The following TMPRSS11D variants were observed in gnomAD, a reference collection of about 807,000 sequenced individuals.
TMPRSS11D encodes transmembrane serine protease 11D, also known as transmembrane protease serine 11D.
In TMPRSS11D, 32 loss-of-function variants were observed where a neutral mutation model predicts 44.4. That is an observed-to-expected ratio of 0.72 (90% CI 0.54 to 0.97). The LOEUF is 0.97. TMPRSS11D is among the 50% of genes least tolerant of loss of function. The pLI is 0.00. For missense variants in TMPRSS11D, 446 were observed against 502.6 expected, an observed-to-expected ratio of 0.89 and a Z score of 1.08; for synonymous variants, 179 against 177.9, an observed-to-expected ratio of 1.01 and a Z score of -0.05.
chr4:67,874,657 C>T (rs1222568387), intron 1 of TMPRSS11D, among the ~76,000 whole-genome samples: 2 of 152,058 alleles, frequency 1.3e-5, no homozygotes, highest in East Asian at 3.9e-4. Flanking sequence ...TCATTAAATG[C>T]ACAGGTTCAA....
chr4:67,846,753 T>G (rs2109677032), intron 3 of TMPRSS11D, among the ~76,000 whole-genome samples: 1 of 151,566 alleles, frequency 6.6e-6, no homozygotes, highest in South Asian at 2.1e-4. Context: ...CTCCCAAATT[T>G]TTATGTGTGC....
At position 67,821,363 on chromosome 4, in the gene TMPRSS11D, A is replaced by G. The variant is rs1717632593; in HGVS notation, c.*974T>C. 6.6e-6 allele frequency: 1 copy of G among 152,170 alleles called. No individual in the cohort carries two copies. The highest frequency in any genetic ancestry group is 2.1e-4 in the South Asian group (1 of 4,830). The allele number at this position is 152,170 out of a possible 1,614,324, so 9.4% of individuals were successfully genotyped here. A position where few individuals can be genotyped will look rare whatever the true frequency, so the allele number is the denominator to read the frequency against. On this transcript the variant is annotated 3_prime_UTR_variant, in exon 10 of 10. Coordinates refer to ENST00000283916, the MANE Select transcript of TMPRSS11D (RefSeq NM_004262.3). ...TAAGCTATTTAAACTTTTCCTTTGC[A>G]AACCAACTCTTCCCCCTCTTTAAAC...
intron 3 of TMPRSS11D, among the ~76,000 whole-genome samples, chr4:67,848,904 T>A (rs1312037661): frequency 1.3e-5 from 2 of 152,180 alleles, no homozygotes; most frequent in African/African-American, 4.8e-5. Flanking sequence ...AAGAGGATAA[T>A]ATAGTGGGAT....
intron 3 of TMPRSS11D, among the ~76,000 whole-genome samples, chr4:67,851,895 C>T (rs921968424): frequency 2.0e-5 from 3 of 152,212 alleles, no homozygotes; most frequent in African/African-American, 4.8e-5. Flanking sequence ...CTTCTGGCGC[C>T]TGGTGTATCT....
intron 1 of TMPRSS11D, among the ~76,000 whole-genome samples, chr4:67,880,287 T>TA (rs1413597375): frequency 2.0e-5 from 3 of 151,910 alleles, no homozygotes; most frequent in Admixed American, 6.6e-5. Context: ...TGTTTAATAA[T>TA]AAAAAATTAA....
chr4:67,841,766 CT>C (rs1718237127), intron 4 of TMPRSS11D, among the ~76,000 whole-genome samples: 1 of 152,156 alleles, frequency 6.6e-6, no homozygotes, highest in East Asian at 1.9e-4. Context: ...CTTCTTATCC[CT>C]TTAACTCCTC....
At chr4:67,864,082 TTTAA>T (rs146756664) in intron 1 of TMPRSS11D, among the ~76,000 whole-genome samples, 4,196 of 152,070 alleles carry the variant, frequency 0.028, 170 homozygotes, top group African/African-American at 0.094. Context: ...AAAATAAATT[TTTAA>T]TTAATTAGTT....
chr4:67,873,999 G>C (rs1197300964), intron 1 of TMPRSS11D, among the ~76,000 whole-genome samples: 1 of 152,090 alleles, frequency 6.6e-6, no homozygotes, highest in Admixed American at 6.6e-5. Flanking sequence ...ATCACAGATC[G>C]CATGTATGAC....
At chr4:67,881,819 T>C (rs900677108) in intron 1 of TMPRSS11D, among the ~76,000 whole-genome samples, 1 of 152,154 alleles carries the variant, frequency 6.6e-6, no homozygotes, top group African/African-American at 2.4e-5. Context: ...GGAAACAAGA[T>C]TTGTTTGGTA....
At chr4:67,841,400 A>C (rs1326136820) in intron 4 of TMPRSS11D, among the ~76,000 whole-genome samples, 2 of 152,198 alleles carry the variant, frequency 1.3e-5, no homozygotes, top group East Asian at 3.9e-4. Context: ...CATGCAAACC[A>C]AGGGATAGTC....
rs35756612 is a variant in TMPRSS11D at position 67,843,104 on chromosome 4, CTT to C, written c.250-481_250-480del. 7.4e-3 allele frequency among the ~76,000 whole-genome samples: 809 copies of C among 109,400 alleles called. 2 individuals are homozygous for C. The highest frequency in any genetic ancestry group is 0.011 in the South Asian group (33 of 3,096). The allele number at this position is 109,400 out of a possible 152,430, so 71.8% of individuals were successfully genotyped here. ...AGGGGAGAAGGAAGCAAAGGGCAGT[CTT>C]TTTTTTTTTTTTTTTTTTGGTCATT... On this transcript the variant is annotated intron_variant, in intron 3 of 9. Coordinates refer to ENST00000283916, the MANE Select transcript of TMPRSS11D (RefSeq NM_004262.3).
At chr4:67,850,352 G>T (rs766570384) in intron 3 of TMPRSS11D, among the ~76,000 whole-genome samples, 6 of 152,174 alleles carry the variant, frequency 3.9e-5, no homozygotes, top group Non-Finnish European at 8.8e-5. Flanking sequence ...TCTCCTGTGA[G>T]AAATAAATTT....
chr4:67,878,977 A>T (rs1191761526), intron 1 of TMPRSS11D, among the ~76,000 whole-genome samples: 2 of 152,172 alleles, frequency 1.3e-5, no homozygotes, highest in East Asian at 3.9e-4. Flanking sequence ...TATAAGTAGA[A>T]ATAAAGCACT....
chr4:67,845,233 C>T (rs540401957), intron 3 of TMPRSS11D, among the ~76,000 whole-genome samples: 2 of 152,096 alleles, frequency 1.3e-5, no homozygotes, highest in Non-Finnish European at 2.9e-5. Flanking sequence ...AAGAAGAGGC[C>T]TATGAATAAG....
chr4:67,844,361 T>TG (rs1239983322), intron 3 of TMPRSS11D, among the ~76,000 whole-genome samples: 2 of 148,740 alleles, frequency 1.3e-5, no homozygotes, highest in East Asian at 1.9e-4. Flanking sequence ...GATAATTTTC[T>TG]TTTTTTTTTC....
chr4:67,845,155 G>T (rs1009978833), intron 3 of TMPRSS11D, among the ~76,000 whole-genome samples: 6 of 152,062 alleles, frequency 3.9e-5, no homozygotes, highest in Non-Finnish European at 8.8e-5. Flanking sequence ...ATTTAGTAAG[G>T]ACTAAGATAA....
At chr4:67,849,374 C>T (rs890471050) in intron 3 of TMPRSS11D, among the ~76,000 whole-genome samples, 7 of 151,974 alleles carry the variant, frequency 4.6e-5, no homozygotes, top group Non-Finnish European at 8.8e-5. Context: ...GAATCATTGG[C>T]GTATAAATAC....
Position 67,825,715 on chromosome 4 carries a change from G to A in TMPRSS11D, c.1095+17C>T. The A allele has an allele frequency of 1.9e-6, 3 of 1,611,512 alleles. No homozygotes were observed. The highest frequency in any genetic ancestry group is 2.5e-6 in the Non-Finnish European group (3 of 1,178,646). On this transcript the variant is annotated intron_variant, in intron 9 of 9. Coordinates refer to ENST00000283916, the MANE Select transcript of TMPRSS11D (RefSeq NM_004262.3). ...ACTTCTTGGATGATGACATGGATGA[G>A]ATTGTCTTGAGCTTACCTGACATGC...
chr4:67,861,813 T>G (rs576320158), intron 1 of TMPRSS11D, among the ~76,000 whole-genome samples: 1 of 152,078 alleles, frequency 6.6e-6, no homozygotes, highest in Non-Finnish European at 1.5e-5. Context: ...ACTAATTACA[T>G]AAGAATGAAT....
Sources: allele counts gnomAD v4.1 joint callset (sites outside exome capture counted in the v4.1 genomes callset), GRCh38; gene constraint gnomAD v4.1.1; transcripts MANE v1.5; gene names NCBI Gene and HGNC (gene_info 2026-07-23, HGNC 2026-07-21).